Variants in CWC27 observed in about 807,000 individuals in gnomAD.
CWC27 encodes the protein CWC27 spliceosome associated cyclophilin.
CWC27 carries 47 observed loss-of-function variants against 63.6 expected under a neutral mutation model. The observed-to-expected ratio is 0.74, with a 90% confidence interval of 0.58 to 0.94. The LOEUF (loss-of-function observed/expected upper bound fraction) is 0.94. Ranked by LOEUF, CWC27 falls within the 40% of genes least tolerant of loss-of-function variation. CWC27 has a pLI of 0.00. For synonymous variants in CWC27, 175 were observed against 179.8 expected, an observed-to-expected ratio of 0.97 and a Z score of 0.22; for missense variants, 495 against 554.3, an observed-to-expected ratio of 0.89 and a Z score of 1.07.
chr5:64,912,031 G>C (rs1274664904), intron 11 of CWC27, among the ~76,000 whole-genome samples: 2 of 145,972 alleles, frequency 1.4e-5, no homozygotes, highest in Non-Finnish European at 3.0e-5. Context: ...CCGAGATCGT[G>C]CCACTGCACT....
chr5:64,971,713 C>T lies in CWC27; in HGVS notation c.1053C>T (p.Ala351=), dbSNP rs1478868599. ...TCTACTATTCTTTAGAGGAAGAAGCCCCTCCAGATGGTGCTGTTGCCGAAT... is the reference window on the plus strand; with the variant it reads ...TCTACTATTCTTTAGAGGAAGAAGCTCCTCCAGATGGTGCTGTTGCCGAAT... ...QAEKRSEEEE[A]PPDGAVAEYR... is the part of the protein sequence containing the mutation. The change falls in exon 12 of 14, where the codon GCC becomes GCT. Residue 351 remains alanine, a synonymous_variant. Coordinates refer to ENST00000381070, the MANE Select transcript of CWC27 (RefSeq NM_005869.4). The T allele has an allele frequency of 6.3e-7, 1 of 1,596,642 alleles. No homozygotes were observed.
intron 10 of CWC27, among the ~76,000 whole-genome samples, chr5:64,851,191 T>G (rs1335794258): frequency 6.6e-6 from 1 of 152,184 alleles, no homozygotes; most frequent in African/African-American, 2.4e-5. Context: ...TGTGGTGTAT[T>G]GTGTATGCAC....
intron 13 of CWC27, among the ~76,000 whole-genome samples, chr5:64,983,965 G>A (rs1407753559): frequency 2.6e-5 from 4 of 152,030 alleles, no homozygotes; most frequent in Admixed American, 1.3e-4. Context: ...CCGAGTAGCT[G>A]GGACCACAGG....
intron 2 of CWC27, among the ~76,000 whole-genome samples, chr5:64,776,549 A>T (rs1313681768): frequency 6.6e-6 from 1 of 152,144 alleles, no homozygotes; most frequent in Non-Finnish European, 1.5e-5. Flanking sequence ...TAACCACAAC[A>T]ATTATCTTAA....
chr5:65,012,668 A>G (rs1580782091), intron 13 of CWC27, among the ~76,000 whole-genome samples: 1 of 152,210 alleles, frequency 6.6e-6, no homozygotes, highest in Admixed American at 6.5e-5. Flanking sequence ...CACATATATC[A>G]GAAATAAATA....
chr5:64,789,274 C>G (rs569945223), intron 7 of CWC27, among the ~76,000 whole-genome samples: 2 of 152,080 alleles, frequency 1.3e-5, no homozygotes, highest in Admixed American at 1.3e-4. Context: ...AATGGTTGGA[C>G]TTTATGATTC....
At chr5:64,923,561 T>C (rs1001021853) in intron 11 of CWC27, among the ~76,000 whole-genome samples, 11 of 148,334 alleles carry the variant, frequency 7.4e-5, no homozygotes, top group African/African-American at 2.7e-4. Context: ...CTATGCTAGT[T>C]TACTCAATAT....
chr5:64,898,525 T>C (rs556542097), intron 11 of CWC27, among the ~76,000 whole-genome samples: 2 of 152,200 alleles, frequency 1.3e-5, no homozygotes, highest in Non-Finnish European at 2.9e-5. Flanking sequence ...CATTTGTCAC[T>C]TGTTTTTTCC....
At chr5:64,781,898 A>C in intron 2 of CWC27, 23 bp from the exon 3 acceptor site, 1 of 1,255,970 alleles carries the variant, frequency 8.0e-7, no homozygotes, top group Non-Finnish European at 1.1e-6. Flanking sequence ...GACATTGATA[A>C]ATTATTTTTA....
intron 10 of CWC27, among the ~76,000 whole-genome samples, chr5:64,817,393 C>T (rs1197029385): frequency 6.6e-6 from 1 of 152,070 alleles, no homozygotes; most frequent in Non-Finnish European, 1.5e-5. Context: ...TCATAAAATA[C>T]ATATGTTAGG....
chr5:64,794,649 C>A (rs1428443643), intron 7 of CWC27, among the ~76,000 whole-genome samples: 1 of 151,960 alleles, frequency 6.6e-6, no homozygotes, highest in Non-Finnish European at 1.5e-5. Context: ...CAATGAGGAA[C>A]TGGATATAAT....
At chr5:64,830,054 C>T in intron 10 of CWC27, among the ~76,000 whole-genome samples, 1 of 114,214 alleles carries the variant, frequency 8.8e-6, no homozygotes, top group Admixed American at 1.1e-4. Flanking sequence ...ACTTTAAGTT[C>T]TAGGATACAT....
chr5:64,820,431 T>A (rs1250761819), intron 10 of CWC27, among the ~76,000 whole-genome samples: 1 of 152,214 alleles, frequency 6.6e-6, no homozygotes, highest in Admixed American at 6.5e-5. Context: ...TTCATTCTAA[T>A]TCTTAGAACA....
At chr5:64,830,101 G>A (rs1228846046) in intron 10 of CWC27, among the ~76,000 whole-genome samples, 1 of 143,366 alleles carries the variant, frequency 7.0e-6, no homozygotes, top group African/African-American at 2.6e-5. Context: ...ATGTATACAT[G>A]TGCCATGTTG....
At chr5:65,004,405 G>C (rs1201139571) in intron 13 of CWC27, among the ~76,000 whole-genome samples, 1 of 145,516 alleles carries the variant, frequency 6.9e-6, no homozygotes, top group Non-Finnish European at 1.5e-5. Flanking sequence ...TTTTGGTGGG[G>C]GGGTGGTCTG....
At chr5:64,963,154 G>T (rs960585340) in intron 11 of CWC27, among the ~76,000 whole-genome samples, 8 of 151,940 alleles carry the variant, frequency 5.3e-5, no homozygotes, top group African/African-American at 1.9e-4. Context: ...TAGAGATAAG[G>T]TTTTGCCATG....
intron 11 of CWC27, among the ~76,000 whole-genome samples, chr5:64,944,669 A>G (rs1748553530): frequency 6.6e-6 from 1 of 152,030 alleles, no homozygotes; most frequent in Non-Finnish European, 1.5e-5. Context: ...TACCCCATCA[A>G]ATTGATCAGC....
At chr5:64,878,257 T>C (rs894417299) in intron 10 of CWC27, among the ~76,000 whole-genome samples, 2 of 151,650 alleles carry the variant, frequency 1.3e-5, no homozygotes, top group African/African-American at 4.8e-5. Flanking sequence ...AAGTTGACAT[T>C]AGTTTTAAAT....
At chr5:65,002,091 A>G (rs1749742216) in intron 13 of CWC27, among the ~76,000 whole-genome samples, 1 of 151,976 alleles carries the variant, frequency 6.6e-6, no homozygotes, top group Non-Finnish European at 1.5e-5. Context: ...TAGGTTTCCA[A>G]TTTGCTAGCA....
Sources: allele counts gnomAD v4.1 joint callset (sites outside exome capture counted in the v4.1 genomes callset), GRCh38; gene constraint gnomAD v4.1.1; transcripts MANE v1.5; gene names NCBI Gene and HGNC (gene_info 2026-07-23, HGNC 2026-07-21).